The following ZNF107 variants were observed in gnomAD, a reference collection of about 807,000 sequenced individuals.
The protein encoded by ZNF107 is C2H2 type zinc-finger protein.
In ZNF107, 19 loss-of-function variants were observed where a neutral mutation model predicts 12.3. The ratio of observed to expected loss-of-function variants is 1.55; its 90% CI spans 1.08 to 2.27. ZNF107 has a LOEUF of 2.27. Among genes scored for constraint, ZNF107 ranks in the 30% most tolerant of loss-of-function variants. ZNF107 has a pLI of 0.00. For missense variants in ZNF107, 958 were observed against 979.9 expected (o/e 0.98, Z 0.30); for synonymous variants, 317 against 330.5 (o/e 0.96, Z 0.44).
intron 3 of ZNF107, among the ~76,000 whole-genome samples, chr7:64,698,010 G>A (rs1790353328): frequency 6.6e-6 from 1 of 152,126 alleles, no homozygotes; most frequent in Non-Finnish European, 1.5e-5. Context: ...AACAATGGCT[G>A]CATTCTTGTT....
chr7:64,666,313 G>A (rs981650230), intron 1 of ZNF107, 28 bp downstream of exon 1: 5 of 1,608,048 alleles, frequency 3.1e-6, no homozygotes, highest in African/African-American at 2.7e-5. Context: ...GACATCCCGA[G>A]AGAGGGGGAG....
chr7:64,710,889 G>A lies in ZNF107; in HGVS notation c.*2233G>A, dbSNP rs1222523345. ...CTTATAATATTGAGTGATCCATGAA[G>A]TAGGTTTTCAGAGCAATATTCTTCT... On this transcript the variant is annotated 3_prime_UTR_variant, in exon 4 of 4. Transcript: ENST00000620827. 1 of 152,118 alleles carries A rather than the reference G, an allele frequency of 6.6e-6. No individual in the cohort carries two copies. Among genetic ancestry groups the A allele is most frequent in the Non-Finnish European group, 1.5e-5 (1 of 67,994 alleles). The allele number at this position is 152,118 out of a possible 1,614,324, so 9.4% of individuals were successfully genotyped here.
At chr7:64,692,013 G>A in intron 3 of ZNF107, 53 bp downstream of exon 3, 1 of 1,253,424 alleles carries the variant, frequency 8.0e-7, no homozygotes, top group South Asian at 1.6e-5. Context: ...AAGGTCAAAG[G>A]TCAAAGAAAA....
In ZNF107 at chr7:64,709,088, C is replaced by T; in HGVS notation, c.*432C>T. 2.2e-6 allele frequency: 1 copy of T among 458,906 alleles called. No homozygotes were observed. The highest frequency in any genetic ancestry group is 4.4e-6 in the Non-Finnish European group (1 of 227,854). The allele number at this position is 458,906 out of a possible 1,614,324, so 28.4% of individuals were successfully genotyped here. On this transcript the variant is annotated 3_prime_UTR_variant, in exon 4 of 4. Transcript: ENST00000620827. ...GCAAAGCTTTTAACCAATCCTCATA[C>T]CTTACTATACAGAAATTCATACTGG...
At chr7:64,687,638 A>G in intron 1 of ZNF107, 2 of 893,694 alleles carry the variant, frequency 2.2e-6, no homozygotes, top group South Asian at 1.0e-4. Flanking sequence ...ACCAATTAGC[A>G]TATATGGATG....
chr7:64,670,841 A>G (rs1789194131), intron 1 of ZNF107, among the ~76,000 whole-genome samples: 1 of 152,112 alleles, frequency 6.6e-6, no homozygotes, highest in Non-Finnish European at 1.5e-5. Flanking sequence ...TTCTGTGAGT[A>G]GCTTTATCAA....
Position 64,708,501 on chromosome 7 carries a change from T to C in ZNF107, c.2404T>C (p.Ser802Pro). The change falls in exon 4 of 4, where the codon TCA becomes CCA. Residue 802 changes from serine to proline, a missense_variant. Coordinates refer to ENST00000620827, the MANE Select transcript of ZNF107 (RefSeq NM_001282359.2). ...ATGTGGCAAATCCTTTAACCAGTTC[T>C]CATCTCTTAATATACATAAGATAAT... ...EECGKSFNQF[S>P]SLNIHKIIHT... The C allele has an allele frequency of 6.2e-7, 1 of 1,613,160 alleles. No individual in the cohort carries two copies. Among genetic ancestry groups the C allele is most frequent in the Non-Finnish European group, 8.5e-7 (1 of 1,179,616 alleles).
Position 64,666,235 on chromosome 7 carries a change from A to T in ZNF107, c.-48A>T. 3.1e-6 allele frequency: 5 copies of T among 1,604,046 alleles called. No individual in the cohort carries two copies. Among genetic ancestry groups the T allele is most frequent in the Non-Finnish European group, 4.3e-6 (5 of 1,174,158 alleles). Reference sequence around the variant, plus strand: ...CTCTGTGTCCCTGTGACCTGCAGATATTGGGAGATCCACAGCTAAGACGCC... The same window carrying T: ...CTCTGTGTCCCTGTGACCTGCAGATTTTGGGAGATCCACAGCTAAGACGCC... On this transcript the variant is annotated 5_prime_UTR_variant, in exon 1 of 4. Transcript: ENST00000620827.
At position 64,709,314 on chromosome 7, in the gene ZNF107, A is replaced by T. The variant is rs1295655412; in HGVS notation, c.*658A>T. On this transcript the variant is annotated 3_prime_UTR_variant, in exon 4 of 4. Transcript: ENST00000620827. ...CCCTACAAATGTAAAAAACGTGGCA[A>T]TGCCTTTAACTGGTCCTCACACCTT... 8.8e-6 allele frequency: 3 copies of T among 341,886 alleles called. No homozygotes were observed. Among genetic ancestry groups the T allele is most frequent in the Admixed American group, 4.1e-5 (1 of 24,658 alleles). 21.2% of individuals were successfully genotyped at this position (341,886 alleles called of 1,614,324 possible).
At chr7:64,693,831 C>G (rs988243230) in intron 3 of ZNF107, among the ~76,000 whole-genome samples, 5 of 151,904 alleles carry the variant, frequency 3.3e-5, no homozygotes, top group African/African-American at 4.8e-5. Flanking sequence ...TTTTCTTGCC[C>G]AGGCTGGAGT....
Position 64,707,030 on chromosome 7 carries a change from C to T in ZNF107, c.933C>T (p.Asn311=). Residue 311 remains asparagine, a synonymous_variant, in exon 4 of 4, where the codon AAC becomes AAT. Transcript: ENST00000620827. ...AAAAGATACTTCACACTGGAGAGAA[C>T]CTCTACAAGTGTAAAGAATGTGGAA... The part of the protein sequence containing the change: ...TTQKILHTGE[N]LYKCKECGKA... The T allele has an allele frequency of 6.2e-7, 1 of 1,612,560 alleles. No homozygotes were observed. The highest frequency in any genetic ancestry group is 8.5e-7 in the Non-Finnish European group (1 of 1,179,522).
At chr7:64,671,796 T>G (rs1789236178) in intron 1 of ZNF107, among the ~76,000 whole-genome samples, 1 of 148,956 alleles carries the variant, frequency 6.7e-6, no homozygotes, top group Admixed American at 6.7e-5. Context: ...TTTTTTTTTT[T>G]TTTGAGGCAG....
intron 1 of ZNF107, among the ~76,000 whole-genome samples, chr7:64,684,160 C>T (rs71562921): frequency 0.071 from 10,799 of 152,128 alleles, 572 homozygotes; most frequent in East Asian, 0.27. Flanking sequence ...GTTCTCCTAC[C>T]ACTTGTGCTT....
chr7:64,679,141 C>A, intron 1 of ZNF107: 1 of 983,476 alleles, frequency 1.0e-6, no homozygotes, highest in Non-Finnish European at 1.2e-6. Context: ...GGTGCGAGCT[C>A]ACACGAAGCC....
At chr7:64,686,754 C>T in intron 1 of ZNF107, 2 of 852,460 alleles carry the variant, frequency 2.3e-6, no homozygotes, top group Non-Finnish European at 2.8e-6. Context: ...TCAACAAGTC[C>T]CAAAACCATG....
rs1271567747 is a variant in ZNF107 at position 64,707,098 on chromosome 7, T to C, written c.1001T>C (p.Ile334Thr). The C allele has an allele frequency of 1.2e-6, 2 of 1,612,462 alleles. No homozygotes were observed. Among genetic ancestry groups the C allele is most frequent in the Non-Finnish European group, 1.7e-6 (2 of 1,179,472 alleles). Residue 334 changes from isoleucine (I) to threonine (T), a missense_variant, in exon 4 of 4, where the codon ATT becomes ACT. Coordinates refer to ENST00000620827, the MANE Select transcript of ZNF107 (RefSeq NM_001282359.2). ...TCAAATCTTACTAACCATAAGAGAA[T>C]TCATGCTGGGGAGAAACCCTACAAA... is the stretch of plus-strand genomic sequence containing the variant. ...LFSNLTNHKRIHAGEKPYKCK... is the reference protein window; with the variant it reads ...LFSNLTNHKRTHAGEKPYKCK...
chr7:64,686,122 G>A (rs1264296164), intron 1 of ZNF107, among the ~76,000 whole-genome samples: 1 of 152,070 alleles, frequency 6.6e-6, no homozygotes, highest in African/African-American at 2.4e-5. Context: ...CCTAACCGTC[G>A]AAAAAGGTGG....
In ZNF107 at chr7:64,707,018, C is replaced by A. The variant is rs1397475441; in HGVS notation, c.921C>A (p.His307Gln). ...ACCTTACTACACAAAAGATACTTCA[C>A]ACTGGAGAGAACCTCTACAAGTGTA... ...SSHLTTQKIL[H>Q]TGENLYKCKE... The change falls in exon 4 of 4, where the codon CAC becomes CAA. Residue 307 changes from histidine (H) to glutamine (Q), a missense_variant. Transcript: ENST00000620827. The A allele has an allele frequency of 6.2e-7, 1 of 1,613,060 alleles. No homozygotes were observed. The highest frequency in any genetic ancestry group is 8.5e-7 in the Non-Finnish European group (1 of 1,179,646).
rs749166489 is a variant in ZNF107 at position 64,669,930 on chromosome 7, A to C, written c.3+3645A>C. On this transcript the variant is annotated intron_variant, in intron 1 of 3. Coordinates refer to ENST00000620827, the MANE Select transcript of ZNF107 (RefSeq NM_001282359.2). ...TGCCCAGTGATTCCAAGCTAAGGCTAATATTGAGCCTGCAAAGGGAAGGGA... is the reference window on the plus strand; with the variant it reads ...TGCCCAGTGATTCCAAGCTAAGGCTCATATTGAGCCTGCAAAGGGAAGGGA... Among the ~76,000 whole-genome samples the C allele has an allele frequency of 6.0e-4, 91 of 152,254 alleles. 2 individuals are homozygous for C. Among genetic ancestry groups the C allele is most frequent in the Non-Finnish European group, 4.3e-4 (29 of 68,042 alleles).
Sources: gnomAD v4.1 joint callset for allele counts (sites outside exome capture counted in the v4.1 genomes callset) on GRCh38, gnomAD v4.1.1 for gene constraint, MANE v1.5 for transcripts, NCBI Gene and HGNC (gene_info 2026-07-23, HGNC 2026-07-21) for gene names.